RBM47: variants seen among roughly 807,000 people sequenced by gnomAD.
The protein encoded by RBM47 is RNA-binding protein 47.
In RBM47, 21 loss-of-function variants were observed where a neutral mutation model predicts 47.1. The observed-to-expected ratio is 0.45, with a 90% CI of 0.32 to 0.64. The LOEUF (loss-of-function observed/expected upper bound fraction) is 0.64. Among genes scored for constraint, RBM47 ranks in the 30% least tolerant of loss-of-function variants. The pLI is 0.05. For missense variants in RBM47, 708 were observed against 870.9 expected, an observed-to-expected ratio of 0.81 and a Z score of 2.35; for synonymous variants, 375 against 361.7, an observed-to-expected ratio of 1.04 and a Z score of -0.42.
intron 1 of RBM47, among the ~76,000 whole-genome samples, chr4:40,586,277 T>C (rs1322960581): frequency 6.6e-6 from 1 of 152,194 alleles, no homozygotes; most frequent in African/African-American, 2.4e-5. Flanking sequence ...GTTGTGTAAG[T>C]GTCTTTCCAA....
At chr4:40,558,729 G>A (rs768491246) in intron 1 of RBM47, among the ~76,000 whole-genome samples, 28 of 151,890 alleles carry the variant, frequency 1.8e-4, no homozygotes, top group Non-Finnish European at 3.1e-4. Context: ...TTGGGAGGCT[G>A]AGGCAGGAGA....
intron 2 of RBM47, among the ~76,000 whole-genome samples, chr4:40,517,532 A>T (rs906297094): frequency 3.9e-5 from 6 of 152,152 alleles, no homozygotes; most frequent in East Asian, 1.9e-4. Flanking sequence ...AAATTTTGAT[A>T]AAAAAAAGTT....
chr4:40,596,903 T>C (rs1419727865), intron 1 of RBM47, among the ~76,000 whole-genome samples: 2 of 152,212 alleles, frequency 1.3e-5, no homozygotes, highest in East Asian at 3.8e-4. Flanking sequence ...AGGTGTTTGT[T>C]GTACCTTTCA....
intron 2 of RBM47, among the ~76,000 whole-genome samples, chr4:40,519,346 G>A (rs1725946837): frequency 7.2e-6 from 1 of 138,310 alleles, no homozygotes. Flanking sequence ...TGCCCAGGCT[G>A]GAGTGCAATG....
chr4:40,558,782 C>T (rs1275691792), intron 1 of RBM47, among the ~76,000 whole-genome samples: 4 of 149,616 alleles, frequency 2.7e-5, no homozygotes, highest in African/African-American at 7.4e-5. Flanking sequence ...GGGCCGAGAT[C>T]GTGCCACAGC....
chr4:40,460,622 G>A lies in RBM47; in HGVS notation c.-32+5955C>T, dbSNP rs1009112473. On this transcript the variant is annotated intron_variant, in intron 3 of 6. Coordinates refer to ENST00000295971, the MANE Select transcript of RBM47 (RefSeq NM_001098634.2). ...CCAGGAAGGTGAAGGTTGCAGTGAG[G>A]TGAGATTGTGCCACTGCACTCCAGA... is the stretch of plus-strand genomic sequence containing the variant. 4.6e-5 allele frequency among the ~76,000 whole-genome samples: 7 copies of A among 151,860 alleles called. No individual in the cohort carries two copies. In the South Asian group the frequency reaches 1.2e-3, roughly 27 times the overall value.
rs1344647871 is a variant in RBM47, at chr4:40,629,541, A to G, written c.-385T>C. On this transcript the variant is annotated 5_prime_UTR_variant, in exon 1 of 7. Transcript: ENST00000295971. Reference sequence around the variant, plus strand: ...TGTAAAACCAAAATAAGGAGTGTCCAGCGACTCCCCACCGCGCCGCTTAAA... The same window carrying G: ...TGTAAAACCAAAATAAGGAGTGTCCGGCGACTCCCCACCGCGCCGCTTAAA... 2 of 152,196 alleles carry G rather than the reference A, an allele frequency of 1.3e-5. No homozygotes were observed. Among genetic ancestry groups the G allele is most frequent in the Admixed American group, 6.5e-5 (1 of 15,270 alleles). 9.4% of individuals were successfully genotyped at this position (152,196 alleles called of 1,614,324 possible).
chr4:40,450,245 A>G (rs781042203), intron 3 of RBM47, among the ~76,000 whole-genome samples: 1 of 152,190 alleles, frequency 6.6e-6, no homozygotes, highest in Admixed American at 6.5e-5. Context: ...GAGAAGCCAC[A>G]GTGGCTTCTA....
intron 3 of RBM47, among the ~76,000 whole-genome samples, chr4:40,443,016 A>G (rs1461913890): frequency 6.6e-6 from 1 of 152,156 alleles, no homozygotes; most frequent in Non-Finnish European, 1.5e-5. Context: ...TACAATATGG[A>G]AGAACCTTGA....
chr4:40,598,370 C>T (rs1161071040), intron 1 of RBM47, among the ~76,000 whole-genome samples: 5 of 152,158 alleles, frequency 3.3e-5, no homozygotes, highest in African/African-American at 9.7e-5. Flanking sequence ...CCACAGCCTC[C>T]TGAGTAGCTG....
At chr4:40,580,962 G>A (rs1732842442) in intron 1 of RBM47, among the ~76,000 whole-genome samples, 1 of 152,092 alleles carries the variant, frequency 6.6e-6, no homozygotes, top group South Asian at 2.1e-4. Context: ...CCCCATGGCG[G>A]GAACAGGTTT....
intron 1 of RBM47, among the ~76,000 whole-genome samples, chr4:40,567,297 G>A (rs1409284972): frequency 2.0e-5 from 3 of 152,056 alleles, no homozygotes; most frequent in Non-Finnish European, 2.9e-5. Flanking sequence ...TGTAAAATGC[G>A]ATTTTGTTAC....
At chr4:40,620,015 G>A (rs959563464) in intron 1 of RBM47, among the ~76,000 whole-genome samples, 4 of 151,920 alleles carry the variant, frequency 2.6e-5, no homozygotes, top group Non-Finnish European at 4.4e-5. Context: ...TGGCCAACAC[G>A]GTGAAACCCT....
At chr4:40,432,203 T>TAC (rs61008905) in intron 6 of RBM47, among the ~76,000 whole-genome samples, 276 of 147,830 alleles carry the variant, frequency 1.9e-3, no homozygotes, top group African/African-American at 4.9e-3. Flanking sequence ...TCTCTCTCTT[T>TAC]ACACACACAC....
chr4:40,495,336 G>A (rs1722425276), intron 2 of RBM47, among the ~76,000 whole-genome samples: 1 of 152,126 alleles, frequency 6.6e-6, no homozygotes, highest in Non-Finnish European at 1.5e-5. Context: ...GCCAGGCATG[G>A]TGGCTCACAT....
intron 3 of RBM47, among the ~76,000 whole-genome samples, chr4:40,440,181 CAGTT>C (rs1237057015): frequency 6.6e-6 from 1 of 152,078 alleles, no homozygotes; most frequent in African/African-American, 2.4e-5. Flanking sequence ...TAAAAGTATT[CAGTT>C]AAATTTATAG....
intron 3 of RBM47, among the ~76,000 whole-genome samples, chr4:40,441,228 T>C (rs1713597134): frequency 6.7e-6 from 1 of 148,750 alleles, no homozygotes; most frequent in South Asian, 2.2e-4. Context: ...GTTTGAAACC[T>C]GCCTGGGCAA....
intron 2 of RBM47, chr4:40,542,948 G>A (rs907721222): frequency 2.0e-5 from 3 of 152,084 alleles, no homozygotes; most frequent in Non-Finnish European, 4.4e-5. Context: ...AGCCCTGTGG[G>A]GACAGCAATC....
intron 1 of RBM47, among the ~76,000 whole-genome samples, chr4:40,601,953 G>C (rs1735319204): frequency 6.6e-6 from 1 of 152,150 alleles, no homozygotes; most frequent in African/African-American, 2.4e-5. Flanking sequence ...TGGAGAGCTT[G>C]AGGTTAGGAG....
Sources: gnomAD v4.1 joint callset for allele counts (sites outside exome capture counted in the v4.1 genomes callset) on GRCh38, gnomAD v4.1.1 for gene constraint, MANE v1.5 for transcripts, NCBI Gene and HGNC (gene_info 2026-07-23, HGNC 2026-07-21) for gene names.